The following EPB41 variants were observed in gnomAD, a reference collection of about 807,000 sequenced individuals.
The protein encoded by EPB41 is erythrocyte membrane protein band 4.1.
A neutral mutation model predicts 108.0 loss-of-function variants in EPB41; 65 were observed. That is an observed-to-expected ratio of 0.60 (90% CI 0.49 to 0.74). The LOEUF (loss-of-function observed/expected upper bound fraction) is 0.74, where lower values mean the gene tolerates loss of function less well. EPB41 is among the 30% of genes least tolerant of loss of function. The probability of loss-of-function intolerance (pLI) is 0.00; values close to 1 mark genes in which losing one functional copy is unlikely to be tolerated. For synonymous variants in EPB41, 336 were observed against 358.9 expected (o/e 0.94, Z 0.72); for missense variants, 875 against 1,037.0 (o/e 0.84, Z 2.15).
intron 1 of EPB41, among the ~76,000 whole-genome samples, chr1:28,963,288 C>T (rs1370971407): frequency 6.6e-6 from 1 of 151,392 alleles, no homozygotes; most frequent in East Asian, 1.9e-4. Flanking sequence ...TGAGAAATGC[C>T]ATTGGATCTG....
At chr1:28,895,911 T>C (rs895525316) in intron 1 of EPB41, among the ~76,000 whole-genome samples, 3 of 152,156 alleles carry the variant, frequency 2.0e-5, no homozygotes, top group Non-Finnish European at 4.4e-5. Flanking sequence ...CTGACGTGTT[T>C]GTCGGATAAA....
rs1321394851 is a variant in EPB41, at chr1:29,119,838, AATCAT to A, written c.*3031_*3035del. The A allele has an allele frequency of 2.0e-5, 3 of 152,664 alleles. No homozygotes were observed. Among genetic ancestry groups the A allele is most frequent in the African/African-American group, 4.8e-5 (2 of 41,466 alleles). 9.5% of individuals were successfully genotyped at this position (152,664 alleles called of 1,614,324 possible). A position where few individuals can be genotyped will look rare whatever the true frequency, so the allele number is the denominator to read the frequency against. On this transcript the variant is annotated 3_prime_UTR_variant, in exon 21 of 21. Transcript: ENST00000343067. ...TTTGTAAATTTTTTTTAAAATTATG[AATCAT>A]ATCAAGTAGTTGTTTACATTTCTTG...
At chr1:28,972,841 C>A (rs2095525507) in intron 1 of EPB41, among the ~76,000 whole-genome samples, 1 of 151,896 alleles carries the variant, frequency 6.6e-6, no homozygotes, top group African/African-American at 2.4e-5. Flanking sequence ...TGGGCTCAAG[C>A]AATCCTCCCA....
chr1:28,907,666 G>A (rs2091939952), intron 1 of EPB41, among the ~76,000 whole-genome samples: 1 of 151,756 alleles, frequency 6.6e-6, no homozygotes, highest in Non-Finnish European at 1.5e-5. Flanking sequence ...GTGATGAAGT[G>A]TGGTAGTGCG....
At chr1:28,953,993 T>C (rs961141443) in intron 1 of EPB41, among the ~76,000 whole-genome samples, 3 of 152,194 alleles carry the variant, frequency 2.0e-5, no homozygotes, top group African/African-American at 7.2e-5. Flanking sequence ...AGGCTGAAGT[T>C]CAAGGATCTG....
intron 16 of EPB41, 85 bp from the exon 17 acceptor site, chr1:29,097,722 A>T: frequency 6.7e-7 from 1 of 1,500,164 alleles, no homozygotes; most frequent in Non-Finnish European, 9.3e-7. Context: ...ATTAAAGCTA[A>T]CACTTTGATC....
intron 1 of EPB41, among the ~76,000 whole-genome samples, chr1:28,976,191 G>T (rs891158642): frequency 6.6e-6 from 1 of 152,068 alleles, no homozygotes; most frequent in African/African-American, 2.4e-5. Flanking sequence ...TTTCATTAAT[G>T]CATGACTCCA....
At chr1:28,933,987 C>T (rs930605079) in intron 1 of EPB41, among the ~76,000 whole-genome samples, 6 of 152,118 alleles carry the variant, frequency 3.9e-5, no homozygotes, top group African/African-American at 1.2e-4. Context: ...CAGATTTCCT[C>T]AGGTTTTTTT....
At chr1:29,060,246 T>G in intron 14 of EPB41, among the ~76,000 whole-genome samples, 176 bp from the exon 15 acceptor site, 1 of 152,228 alleles carries the variant, frequency 6.6e-6, no homozygotes, top group South Asian at 2.1e-4. Flanking sequence ...ATCATTTTCT[T>G]GTGGTAATCA....
At chr1:28,890,911 CT>C (rs1347654299) in intron 1 of EPB41, 2 of 985,346 alleles carry the variant, frequency 2.0e-6, no homozygotes, top group Non-Finnish European at 2.4e-6. Flanking sequence ...ACCTGTGGAA[CT>C]GTTTGACCCC....
Position 29,071,758 on chromosome 1 carries a change from C to A in EPB41, c.2184+6600C>A, listed in dbSNP as rs369243064. 11 of 152,250 alleles carry A rather than the reference C, an allele frequency of 7.2e-5. No homozygotes were observed. In the East Asian group the frequency reaches 1.9e-3, roughly 27 times the overall value. 9.4% of individuals were successfully genotyped at this position (152,250 alleles called of 1,614,324 possible). On this transcript the variant is annotated intron_variant, in intron 16 of 20. Coordinates refer to ENST00000343067, the MANE Select transcript of EPB41 (RefSeq NM_001376013.1). ...ATTTTTTACCTCAATATTGAAGAAACCTTGCATGTAGCTTGCTTTTTATGG... is the reference window on the plus strand; with the variant it reads ...ATTTTTTACCTCAATATTGAAGAAAACTTGCATGTAGCTTGCTTTTTATGG...
intron 4 of EPB41, among the ~76,000 whole-genome samples, chr1:28,998,651 C>G (rs1412558503): frequency 3.3e-5 from 5 of 152,144 alleles, no homozygotes; most frequent in Non-Finnish European, 5.9e-5. Flanking sequence ...ACTACTAACT[C>G]AAACAGAACT....
chr1:29,082,719 G>C (rs1283175142), intron 16 of EPB41, among the ~76,000 whole-genome samples: 1 of 152,100 alleles, frequency 6.6e-6, no homozygotes, highest in Non-Finnish European at 1.5e-5. Context: ...GATCTATTCA[G>C]ATTTGAGAAC....
intron 19 of EPB41, among the ~76,000 whole-genome samples, chr1:29,113,250 G>T (rs944546659): frequency 1.1e-4 from 17 of 152,228 alleles, no homozygotes; most frequent in Non-Finnish European, 5.9e-5. Context: ...GCAGAGAAGA[G>T]GGGGTGGAAG....
At chr1:28,904,166 A>C (rs945155059) in intron 1 of EPB41, among the ~76,000 whole-genome samples, 138 of 146,138 alleles carry the variant, frequency 9.4e-4, no homozygotes, top group South Asian at 2.6e-3. Context: ...TGCCCGGCCC[A>C]GCTTTTTTTT....
At chr1:28,904,683 A>C (rs1465341953) in intron 1 of EPB41, among the ~76,000 whole-genome samples, 1 of 151,932 alleles carries the variant, frequency 6.6e-6, no homozygotes, top group Non-Finnish European at 1.5e-5. Flanking sequence ...GGATTACCTG[A>C]GGTCAGGAGT....
At chr1:28,931,450 C>T (rs2093738698) in intron 1 of EPB41, among the ~76,000 whole-genome samples, 2 of 147,592 alleles carry the variant, frequency 1.4e-5, no homozygotes, top group African/African-American at 5.0e-5. Flanking sequence ...TTTTAATTAA[C>T]TGATATGGTG....
upstream of EPB41, among the ~76,000 whole-genome samples, chr1:28,912,764 C>T (rs1008459649): frequency 3.3e-5 from 5 of 151,648 alleles, no homozygotes; most frequent in African/African-American, 9.7e-5. Context: ...ATTACAGGTG[C>T]CTGCCACCAG....
At chr1:28,974,920 A>G (rs1257668242) in intron 1 of EPB41, among the ~76,000 whole-genome samples, 1 of 151,774 alleles carries the variant, frequency 6.6e-6, no homozygotes, top group Non-Finnish European at 1.5e-5. Context: ...TCAGCCTCCA[A>G]AGTAGCTGGG....
Sources: allele counts gnomAD v4.1 joint callset (sites outside exome capture counted in the v4.1 genomes callset), GRCh38; gene constraint gnomAD v4.1.1; transcripts MANE v1.5; gene names NCBI Gene and HGNC (gene_info 2026-07-23, HGNC 2026-07-21).